Variants in EEF1D observed in about 807,000 individuals in gnomAD.
EEF1D encodes the protein elongation factor 1-delta.
In EEF1D, 47 loss-of-function variants were observed where a neutral mutation model predicts 63.9. The ratio of observed to expected loss-of-function variants is 0.74; its 90% CI spans 0.58 to 0.94. The LOEUF is 0.94. Ranked by LOEUF, EEF1D falls within the 40% of genes least tolerant of loss-of-function variation. The pLI is 0.00. For synonymous variants in EEF1D, 412 were observed against 386.1 expected, an observed-to-expected ratio of 1.07 and a Z score of -0.79; for missense variants, 907 against 899.0, an observed-to-expected ratio of 1.01 and a Z score of -0.11.
chr8:143,588,014 A>C (rs1340009145), intron 3 of EEF1D, among the ~76,000 whole-genome samples: 3 of 152,178 alleles, frequency 2.0e-5, no homozygotes, highest in South Asian at 2.1e-4. Context: ...CCTCTCGGTA[A>C]CAAAGGGCTG....
chr8:143,590,269 G>T, intron 2 of EEF1D, 188 bp from the exon 3 acceptor site: 3 of 897,890 alleles, frequency 3.3e-6, no homozygotes, highest in Non-Finnish European at 3.4e-6. Context: ...AAGCCCATGT[G>T]GGGACGTTTT....
intron 4 of EEF1D, 130 bp from the exon 5 acceptor site, chr8:143,586,420 T>C (rs11780087): frequency 0.88 from 788,814 of 901,022 alleles, 350,726 homozygotes; most frequent in Non-Finnish European, 0.92. Flanking sequence ...AACGAGAGCT[T>C]GGCGGGCCAG....
Position 143,590,213 on chromosome 8 carries a change from T to TC in EEF1D, c.1-133dup, listed in dbSNP as rs1182208019. 3 of 1,237,686 alleles carry TC rather than the reference T, an allele frequency of 2.4e-6. No individual in the cohort carries two copies. The Admixed American group carries it at 6.2e-5, about 26-fold the overall frequency. The allele number at this position is 1,237,686 out of a possible 1,614,324, so 76.7% of individuals were successfully genotyped here. On this transcript the variant is annotated intron_variant, in intron 2 of 9. Coordinates refer to ENST00000618139, the MANE Select transcript of EEF1D (RefSeq NM_001130053.5). ...CTCCCTGGGCAGGGGCTGAGGATGC[T>TC]CCCCAGTGGGGCTTCCATGAGATGA...
rs972676852 is a variant in EEF1D at position 143,587,876 on chromosome 8, G to T, written c.1092-1024C>A. Among the ~76,000 whole-genome samples the T allele has an allele frequency of 4.6e-5, 7 of 152,276 alleles. No homozygotes were observed. In the East Asian group the frequency reaches 1.2e-3, roughly 25 times the overall value. ...GACCCTCTGGTTCTTTATGGAGTTT[G>T]CCGCCCCCCACCCTGGACTGGCCAA... On this transcript the variant is annotated intron_variant, in intron 3 of 9. Transcript: ENST00000618139.
intron 5 of EEF1D, among the ~76,000 whole-genome samples, chr8:143,584,763 C>CG (rs993129956): frequency 9.7e-4 from 148 of 152,076 alleles, no homozygotes; most frequent in African/African-American, 3.3e-3. Flanking sequence ...AAAATGACAG[C>CG]GGGGGGGACC....
Position 143,593,634 on chromosome 8 carries a change from C to T in EEF1D, c.-14-974G>A, listed in dbSNP as rs979371964. On this transcript the variant is annotated intron_variant, in intron 1 of 9. Coordinates refer to ENST00000618139, the MANE Select transcript of EEF1D (RefSeq NM_001130053.5). ...GGGTCTGGTGGAGACGAGGATGCTA[C>T]GGAGGCAGCTGCCCCATGGGACCAG... is the stretch of plus-strand genomic sequence containing the variant. 2.6e-5 allele frequency among the ~76,000 whole-genome samples: 4 copies of T among 152,242 alleles called. No homozygotes were observed. The South Asian group carries it at 6.2e-4, about 24-fold the overall frequency.
chr8:143,590,547 G>A (rs1184782276), intron 2 of EEF1D: 24 of 1,141,068 alleles, frequency 2.1e-5, no homozygotes, highest in East Asian at 5.2e-5. Context: ...TCTACAGAAC[G>A]GTCTCTGTGG....
At chr8:143,586,643 C>T (rs998036096) in intron 4 of EEF1D, 86 bp downstream of exon 4, 31 of 1,555,914 alleles carry the variant, frequency 2.0e-5, no homozygotes, top group Non-Finnish European at 2.6e-5. Flanking sequence ...CCTCTGCCTT[C>T]CTGGCCTGGC....
At chr8:143,585,563 G>GT (rs955140970) in intron 5 of EEF1D, among the ~76,000 whole-genome samples, 6 of 152,192 alleles carry the variant, frequency 3.9e-5, no homozygotes, top group African/African-American at 1.4e-4. Context: ...CACTGACCCC[G>GT]TTCTTGGGGC....
intron 3 of EEF1D, among the ~76,000 whole-genome samples, chr8:143,588,159 C>T (rs1254570350): frequency 6.6e-6 from 1 of 152,202 alleles, no homozygotes; most frequent in Admixed American, 6.5e-5. Flanking sequence ...CTCAGGTTAT[C>T]TTGTTAACCA....
chr8:143,580,848 C>T (rs139303775), intron 7 of EEF1D, 121 bp from the exon 8 acceptor site: 21 of 1,265,354 alleles, frequency 1.7e-5, no homozygotes, highest in East Asian at 4.7e-5. Flanking sequence ...CCCTGTGTAC[C>T]GCAGCTGTGT....
Position 143,589,163 on chromosome 8 carries a change from A to G in EEF1D, c.919T>C (p.Phe307Leu). 1.2e-6 allele frequency: 2 copies of G among 1,607,200 alleles called. No individual in the cohort carries two copies. The highest frequency in any genetic ancestry group is 1.1e-5 in the South Asian group (1 of 90,372). The part of the protein sequence containing the change: ...EAPSALPYCY[F>L]LQKDAEAPWL... Reference sequence around the variant, plus strand: ...GGGGCCTCTGCATCCTTCTGCAGGAAGTAACAGTAGGGCAAGGCAGAGGGG... The same window carrying G: ...GGGGCCTCTGCATCCTTCTGCAGGAGGTAACAGTAGGGCAAGGCAGAGGGG... The change falls in exon 3 of 10, where the codon TTC becomes CTC. Residue 307 changes from phenylalanine (F) to leucine (L), a missense_variant. Phe to Leu is a conservative substitution (Grantham distance 22). Transcript: ENST00000618139.
Position 143,589,251 on chromosome 8 carries a change from G to T in EEF1D, c.831C>A (p.Asp277Glu), listed in dbSNP as rs1390225803. 5 of 1,583,604 alleles carry T rather than the reference G, an allele frequency of 3.2e-6. No individual in the cohort carries two copies. The African/African-American group carries it at 6.7e-5, about 21-fold the overall frequency. Residue 277 changes from aspartate to glutamate, a missense_variant, in exon 3 of 10, where the codon GAC (aspartate) becomes GAA (glutamate). Asp to Glu is a conservative substitution (Grantham distance 45). Transcript: ENST00000618139. Reference sequence around the variant, plus strand: ...TCCCTAAGATGTTGCGGCCCCGCCGGTCTCTGCGGCCCCGCCGGGCACCCT... The same window carrying T: ...TCCCTAAGATGTTGCGGCCCCGCCGTTCTCTGCGGCCCCGCCGGGCACCCT... ...LAEGARRGRR[D>E]RRGRNILGNK...
intron 5 of EEF1D, chr8:143,586,003 C>T: frequency 2.1e-6 from 1 of 469,558 alleles, no homozygotes. Context: ...CGCCAGCCGG[C>T]AGACGAGGTA....
intron 1 of EEF1D, chr8:143,594,529 G>A (rs925527338): frequency 6.6e-6 from 1 of 152,456 alleles, no homozygotes; most frequent in Non-Finnish European, 1.5e-5. Context: ...CTGGGCAAAC[G>A]GAAGCTTTCT....
Position 143,585,111 on chromosome 8 carries a change from C to T in EEF1D, c.1287+1108G>A, listed in dbSNP as rs182947058. Among the ~76,000 whole-genome samples, 9 of 152,182 alleles carry T rather than the reference C, an allele frequency of 5.9e-5. 1 individual carries two copies. The highest frequency in any genetic ancestry group is 3.9e-4 in the East Asian group (2 of 5,174). ...CAAATGAGACAATGAGAATCTCCGGCGCCCACGTCCCAACCCCCAGAGCCT... is the reference window on the plus strand; with the variant it reads ...CAAATGAGACAATGAGAATCTCCGGTGCCCACGTCCCAACCCCCAGAGCCT... On this transcript the variant is annotated intron_variant, in intron 5 of 9. Transcript: ENST00000618139.
chr8:143,596,749 C>G (rs1449459348), intron 1 of EEF1D: 1 of 152,298 alleles, frequency 6.6e-6, no homozygotes, highest in Admixed American at 6.5e-5. Flanking sequence ...CCACTTAAAG[C>G]CTCTGAAAGT....
At chr8:143,593,976 G>A (rs1289679835) in intron 1 of EEF1D, 3 of 957,652 alleles carry the variant, frequency 3.1e-6, no homozygotes, top group African/African-American at 1.8e-5. Flanking sequence ...TCCAGCAGGA[G>A]AGCCCGGAGC....
intron 3 of EEF1D, among the ~76,000 whole-genome samples, chr8:143,588,043 T>G (rs1391796361): frequency 1.3e-5 from 2 of 152,186 alleles, no homozygotes; most frequent in East Asian, 3.9e-4. Flanking sequence ...GAGCGTCCTC[T>G]GCGTCCCTGA....
Sources: allele counts gnomAD v4.1 joint callset (sites outside exome capture counted in the v4.1 genomes callset), GRCh38; gene constraint gnomAD v4.1.1; transcripts MANE v1.5; gene names NCBI Gene and HGNC (gene_info 2026-07-23, HGNC 2026-07-21).